CSMD1: variants seen among roughly 807,000 people sequenced by gnomAD.
The protein encoded by CSMD1 is CUB and sushi domain-containing protein 1.
In CSMD1, 213 loss-of-function variants were observed where a neutral mutation model predicts 417.5. That is an observed-to-expected ratio of 0.51 (90% confidence interval 0.46 to 0.57). The LOEUF (loss-of-function observed/expected upper bound fraction) is 0.57. CSMD1 is among the 20% of genes least tolerant of loss of function. The probability of loss-of-function intolerance (pLI) is 0.00; values close to 1 mark genes in which losing one functional copy is unlikely to be tolerated. For synonymous variants in CSMD1, 2,862 were observed against 1,736.8 expected (o/e 1.65, Z -16.11); for missense variants, 6,923 against 4,529.7 (o/e 1.53, Z -15.17).
chr8:3,887,600 G>A (rs796843219), intron 5 of CSMD1, among the ~76,000 whole-genome samples: 4 of 152,278 alleles, frequency 2.6e-5, no homozygotes, highest in African/African-American at 9.6e-5. Context: ...ATGTTTTAAA[G>A]CTCCCCAGGT....
chr8:3,618,808 TA>T (rs1158507578), intron 7 of CSMD1, among the ~76,000 whole-genome samples: 1 of 152,196 alleles, frequency 6.6e-6, no homozygotes, highest in Non-Finnish European at 1.5e-5. Flanking sequence ...CCTTGTTTCA[TA>T]CCATGACTTG....
rs975207766 is a variant in CSMD1 at position 4,973,796 on chromosome 8, A to G, written c.85+20536T>C. ...AAAGGGAAACTTAGAATTTTATGTAATAACTTAGCTGTTCCTGAACTGAGT... is the reference window on the plus strand; with the variant it reads ...AAAGGGAAACTTAGAATTTTATGTAGTAACTTAGCTGTTCCTGAACTGAGT... On this transcript the variant is annotated intron_variant, in intron 1 of 69. Coordinates refer to ENST00000635120, the MANE Select transcript of CSMD1 (RefSeq NM_033225.6). Among the ~76,000 whole-genome samples, 9 of 152,306 alleles carry G rather than the reference A, an allele frequency of 5.9e-5. 1 individual carries two copies. Among genetic ancestry groups the G allele is most frequent in the Middle Eastern group, 3.4e-3 (1 of 294 alleles).
rs184133935 is a variant in CSMD1, at chr8:3,543,200, G to T, written c.1344+31745C>A. Reference sequence around the variant, plus strand: ...CATGCTTGATGCTTTTGAGAAACTGGTAAGTCTTAGCAGCAAGGGAGGTGG... The same window carrying T: ...CATGCTTGATGCTTTTGAGAAACTGTTAAGTCTTAGCAGCAAGGGAGGTGG... On this transcript the variant is annotated intron_variant, in intron 10 of 69. Coordinates refer to ENST00000635120, the MANE Select transcript of CSMD1 (RefSeq NM_033225.6). Among the ~76,000 whole-genome samples the T allele has an allele frequency of 8.5e-4, 130 of 152,332 alleles. 2 individuals carry two copies. Among genetic ancestry groups the T allele is most frequent in the Middle Eastern group, 3.4e-3 (1 of 294 alleles).
intron 1 of CSMD1, among the ~76,000 whole-genome samples, chr8:4,727,985 ATACAAAATATATATT>A (rs1331404730): frequency 7.5e-5 from 11 of 146,472 alleles, no homozygotes; most frequent in South Asian, 6.3e-4. Flanking sequence ...ATGTATATAT[ATACAAAATATATATT>A]TATATACAAA....
chr8:4,992,225 C>A (rs1296772066), intron 1 of CSMD1, among the ~76,000 whole-genome samples: 1 of 151,552 alleles, frequency 6.6e-6, no homozygotes, highest in Non-Finnish European at 1.5e-5. Context: ...CCACACCCTC[C>A]CTCCCGCCTC....
intron 6 of CSMD1, among the ~76,000 whole-genome samples, chr8:3,708,795 A>T (rs1201055031): frequency 1.3e-5 from 2 of 152,216 alleles, no homozygotes; most frequent in African/African-American, 2.4e-5. Context: ...TCCACCAATC[A>T]TTATCATTCC....
At chr8:4,696,893 G>T (rs1039006811) in intron 1 of CSMD1, among the ~76,000 whole-genome samples, 10 of 152,204 alleles carry the variant, frequency 6.6e-5, no homozygotes, top group African/African-American at 2.4e-4. Flanking sequence ...AAAAATCAGG[G>T]CCAGGTTCAG....
Position 3,262,212 on chromosome 8 carries a change from TATATATATATATATATATAC to T in CSMD1, c.4153+21912_4153+21931del, listed in dbSNP as rs1255802279. The stretch of plus-strand genomic sequence containing the variant: ...ATATATATATATATATATATATATA[TATATATATATATATATATAC>T]ACACACATAGTTAATTTCAAAATTC... On this transcript the variant is annotated intron_variant, in intron 26 of 69. Coordinates refer to ENST00000635120, the MANE Select transcript of CSMD1 (RefSeq NM_033225.6). Among the ~76,000 whole-genome samples the T allele has an allele frequency of 2.7e-3, 276 of 101,772 alleles. 4 individuals carry two copies. The highest frequency in any genetic ancestry group is 9.0e-3 in the African/African-American group (265 of 29,478). 66.8% of individuals were successfully genotyped at this position (101,772 alleles called of 152,430 possible).
chr8:4,338,084 C>A (rs1033379527), intron 3 of CSMD1, among the ~76,000 whole-genome samples: 8 of 152,068 alleles, frequency 5.3e-5, no homozygotes, highest in African/African-American at 1.9e-4. Context: ...TTAATACATG[C>A]ACTTTTATGT....
chr8:3,962,170 G>A (rs1050380670), intron 5 of CSMD1, among the ~76,000 whole-genome samples: 1 of 152,110 alleles, frequency 6.6e-6, no homozygotes, highest in Non-Finnish European at 1.5e-5. Context: ...GACCTGCTCT[G>A]CTGAGGTGGT....
At chr8:3,424,493 C>T (rs1409577216) in intron 12 of CSMD1, among the ~76,000 whole-genome samples, 2 of 152,066 alleles carry the variant, frequency 1.3e-5, no homozygotes, top group African/African-American at 4.8e-5. Context: ...AATGATTGTC[C>T]CTTAGGTCAT....
intron 3 of CSMD1, among the ~76,000 whole-genome samples, chr8:4,201,542 A>C: frequency 2.8e-4 from 1 of 3,526 alleles, no homozygotes; most frequent in Non-Finnish European, 5.5e-4. Context: ...TGTCTCCACA[A>C]AAAAAAAAAA....
rs375722445 is a variant in CSMD1 at position 3,036,604 on chromosome 8, C to A, written c.7661-7091G>T. ...ACTAAAAACCTGTGCTTACTGGACA[C>A]GCGAGAGAAAAACTGGTGTTAGTTC... is the stretch of plus-strand genomic sequence containing the variant. On this transcript the variant is annotated intron_variant, in intron 50 of 69. Coordinates refer to ENST00000635120, the MANE Select transcript of CSMD1 (RefSeq NM_033225.6). 8.0e-4 allele frequency among the ~76,000 whole-genome samples: 122 copies of A among 152,106 alleles called. 3 individuals are homozygous for A. Among genetic ancestry groups the A allele is most frequent in the African/African-American group, 2.7e-3 (112 of 41,470 alleles).
chr8:3,832,500 G>T (rs1208065772), intron 5 of CSMD1, among the ~76,000 whole-genome samples: 1 of 152,026 alleles, frequency 6.6e-6, no homozygotes, highest in Non-Finnish European at 1.5e-5. Flanking sequence ...ACATTTATCT[G>T]TTGCATAGCA....
chr8:4,365,574 A>G lies in CSMD1; in HGVS notation c.415+54379T>C, dbSNP rs528943449. 6.0e-4 allele frequency among the ~76,000 whole-genome samples: 91 copies of G among 152,326 alleles called. 1 individual carries two copies. Among genetic ancestry groups the G allele is most frequent in the Non-Finnish European group, 8.5e-4 (58 of 68,036 alleles). ...CTTATGATTGTGCCTCTTATTGATG[A>G]TATCAAGCAGATACTCTGGTTTCTG... On this transcript the variant is annotated intron_variant, in intron 3 of 69. Coordinates refer to ENST00000635120, the MANE Select transcript of CSMD1 (RefSeq NM_033225.6).
intron 3 of CSMD1, among the ~76,000 whole-genome samples, chr8:4,205,151 GTTC>G (rs1799902056): frequency 6.6e-6 from 1 of 152,140 alleles, no homozygotes; most frequent in South Asian, 2.1e-4. Context: ...GAATGAAATT[GTTC>G]TTAGAGAGAA....
chr8:3,213,030 A>C (rs2116807871), intron 30 of CSMD1, among the ~76,000 whole-genome samples: 1 of 151,630 alleles, frequency 6.6e-6, no homozygotes, highest in South Asian at 2.1e-4. Context: ...GGGTTTCTCC[A>C]TGTTAGCCAT....
intron 5 of CSMD1, among the ~76,000 whole-genome samples, chr8:3,968,451 C>T (rs1274444579): frequency 6.6e-6 from 1 of 152,136 alleles, no homozygotes; most frequent in African/African-American, 2.4e-5. Context: ...CCACACAATG[C>T]TTTTCTCTTT....
At chr8:4,533,439 A>G (rs541726637) in intron 2 of CSMD1, among the ~76,000 whole-genome samples, 1 of 152,342 alleles carries the variant, frequency 6.6e-6, no homozygotes, top group African/African-American at 2.4e-5. Context: ...CTGTTAATCT[A>G]CGTGAGCCCT....
Sources: gnomAD v4.1 joint callset for allele counts (sites outside exome capture counted in the v4.1 genomes callset) on GRCh38, gnomAD v4.1.1 for gene constraint, MANE v1.5 for transcripts, NCBI Gene and HGNC (gene_info 2026-07-23, HGNC 2026-07-21) for gene names.